Variants in ZC3H18 observed in about 807,000 individuals in gnomAD.
The protein encoded by ZC3H18 is zinc finger CCCH domain-containing protein 18.
Under a neutral mutation model 106.1 loss-of-function variants are expected in ZC3H18, and 8 were observed. The observed-to-expected ratio is 0.08, with a 90% confidence interval of 0.04 to 0.14. The LOEUF is 0.14. Among genes scored for constraint, ZC3H18 ranks in the 10% least tolerant of loss-of-function variants. ZC3H18 has a pLI of 1.00. For missense variants in ZC3H18, 1,318 were observed against 1,278.4 expected (o/e 1.03, Z -0.47); for synonymous variants, 635 against 522.1 (o/e 1.22, Z -2.95).
intron 6 of ZC3H18, among the ~76,000 whole-genome samples, chr16:88,604,718 G>A (rs1396217664): frequency 1.3e-5 from 2 of 152,120 alleles, no homozygotes; most frequent in Non-Finnish European, 2.9e-5. Flanking sequence ...TCTCTGCATA[G>A]GGCTCCTGGG....
chr16:88,612,906 T>A (rs1905353215), intron 8 of ZC3H18, among the ~76,000 whole-genome samples: 1 of 152,054 alleles, frequency 6.6e-6, no homozygotes, highest in Non-Finnish European at 1.5e-5. Flanking sequence ...GGGAGGCTAA[T>A]ACGGGAGGAT....
rs531288373 is a variant in ZC3H18 at position 88,624,605 on chromosome 16, G to C, written c.1902G>C (p.Glu634Asp). Residue 634 changes from glutamate to aspartate, a missense_variant, in exon 12 of 18, where the codon GAG (glutamate) becomes GAC (aspartate). Physicochemically the swap from Glu to Asp is conservative, Grantham distance 45. Transcript: ENST00000301011. ...EPAPPPGKAG[E>D]KSVKKPAPPP... The stretch of plus-strand genomic sequence containing the variant: ...CTCGAGCCTCCCTGTCTCACAGAGA[G>C]AAGTCAGTGAAGAAGCCGGCCCCGC... 6.2e-7 allele frequency: 1 copy of C among 1,611,530 alleles called. No homozygotes were observed. The highest frequency in any genetic ancestry group is 2.2e-5 in the East Asian group (1 of 44,688).
chr16:88,598,307 T>A lies in ZC3H18; in HGVS notation c.818T>A (p.Leu273Gln). The A allele has an allele frequency of 6.2e-7, 1 of 1,604,118 alleles. No individual in the cohort carries two copies. The highest frequency in any genetic ancestry group is 8.5e-7 in the Non-Finnish European group (1 of 1,177,190). Residue 273 changes from leucine (L) to glutamine (Q), a missense_variant, in exon 4 of 18, where the codon CTG becomes CAG. Leu to Gln is a moderately radical substitution (Grantham distance 113). Coordinates refer to ENST00000301011, the MANE Select transcript of ZC3H18 (RefSeq NM_144604.4). The part of the protein sequence containing the change: ...NGAPPLGPHP[L>Q]MPANPWGGPV... Reference sequence around the variant, plus strand: ...GCCCCGCCTCTCGGACCTCACCCGCTGATGCCCGCCAACCCTTGGGTGCGT... The same window carrying A: ...GCCCCGCCTCTCGGACCTCACCCGCAGATGCCCGCCAACCCTTGGGTGCGT...
At chr16:88,576,057 C>T (rs1423226475) in intron 1 of ZC3H18, among the ~76,000 whole-genome samples, 16 of 152,154 alleles carry the variant, frequency 1.1e-4, no homozygotes, top group Admixed American at 1.0e-3. Context: ...CCTGCCACCA[C>T]GTGCAGCTAA....
At chr16:88,619,639 C>T (rs547846127) in intron 8 of ZC3H18, among the ~76,000 whole-genome samples, 1 of 152,288 alleles carries the variant, frequency 6.6e-6, no homozygotes, top group East Asian at 1.9e-4. Context: ...CTGCACTGCC[C>T]GCCTCTCTGG....
intron 2 of ZC3H18, among the ~76,000 whole-genome samples, chr16:88,584,546 A>AT (rs944381730): frequency 2.0e-5 from 3 of 152,020 alleles, no homozygotes; most frequent in African/African-American, 7.3e-5. Flanking sequence ...TGTTTGTTTG[A>AT]TTTTTTAACT....
Position 88,624,065 on chromosome 16 carries a change from G to C in ZC3H18, c.1898+3G>C. On this transcript the variant is annotated splice_donor_region_variant and intron_variant, in intron 11 of 17. Coordinates refer to ENST00000301011, the MANE Select transcript of ZC3H18 (RefSeq NM_144604.4). ...GCCCCGCCGCCCGGGAAAGCAGGGT[G>C]AGTGCCCAGCCTGTGGGCAAGTCCT... The C allele has an allele frequency of 6.2e-7, 1 of 1,603,842 alleles. No homozygotes were observed. Among genetic ancestry groups the C allele is most frequent in the Non-Finnish European group, 8.5e-7 (1 of 1,175,066 alleles).
chr16:88,596,751 G>A (rs1207090598), intron 3 of ZC3H18, among the ~76,000 whole-genome samples: 1 of 152,220 alleles, frequency 6.6e-6, no homozygotes, highest in African/African-American at 2.4e-5. Flanking sequence ...TACTTGTTTA[G>A]TTACACACGT....
In ZC3H18 at chr16:88,627,415, T is replaced by A; in HGVS notation, c.2109-207T>A. On this transcript the variant is annotated intron_variant, in intron 13 of 17. Coordinates refer to ENST00000301011, the MANE Select transcript of ZC3H18 (RefSeq NM_144604.4). The surrounding 1 kb of genome is among the most constrained non-coding windows in gnomAD (Gnocchi z 4.5). ...GCCGTGCCTGGCTGCAACCTGACATTGATTAGTGAAATGGGGCCCTGGCCT... is the reference window on the plus strand; with the variant it reads ...GCCGTGCCTGGCTGCAACCTGACATAGATTAGTGAAATGGGGCCCTGGCCT... 1.8e-6 allele frequency: 1 copy of A among 552,178 alleles called. No individual in the cohort carries two copies. Among genetic ancestry groups the A allele is most frequent in the South Asian group, 3.0e-5 (1 of 33,332 alleles). 34.2% of individuals were successfully genotyped at this position (552,178 alleles called of 1,614,324 possible).
chr16:88,605,265 C>T lies in ZC3H18; in HGVS notation c.1089-3669C>T, dbSNP rs551909237. Among the ~76,000 whole-genome samples the T allele has an allele frequency of 5.9e-5, 9 of 152,378 alleles. 1 individual carries two copies. The East Asian group carries it at 1.5e-3, about 26-fold the overall frequency. On this transcript the variant is annotated intron_variant, in intron 6 of 17. Transcript: ENST00000301011. ...CCACATGGGTAAGCCCACAGTCCCA[C>T]AGACTCAGGGCAGATGGATGTATGG...
At chr16:88,582,269 G>A (rs1915183932) in intron 2 of ZC3H18, among the ~76,000 whole-genome samples, 1 of 112,044 alleles carries the variant, frequency 8.9e-6, no homozygotes, top group Non-Finnish European at 1.6e-5. Context: ...CTGTTGCCCA[G>A]GCCAGAGTGC....
chr16:88,586,306 C>T (rs1915426649), intron 2 of ZC3H18, among the ~76,000 whole-genome samples: 1 of 152,156 alleles, frequency 6.6e-6, no homozygotes, highest in African/African-American at 2.4e-5. Context: ...TTACTATTTC[C>T]TGCCCAGAGT....
At chr16:88,625,333 G>C in intron 13 of ZC3H18, 66 bp downstream of exon 13, 1 of 1,546,212 alleles carries the variant, frequency 6.5e-7, no homozygotes, top group Admixed American at 2.0e-5. Flanking sequence ...CCCAGAAGCA[G>C]CCAGTGTGGG....
intron 2 of ZC3H18, among the ~76,000 whole-genome samples, chr16:88,578,536 T>G (rs549177682): frequency 1.2e-3 from 126 of 107,316 alleles, no homozygotes; most frequent in Non-Finnish European, 2.1e-3. Context: ...GTTTTTGTTG[T>G]TTTTTTTTTG....
chr16:88,615,780 C>A (rs1020881842), intron 8 of ZC3H18, among the ~76,000 whole-genome samples: 2 of 152,216 alleles, frequency 1.3e-5, no homozygotes, highest in East Asian at 3.8e-4. Context: ...TGGCCACAGA[C>A]CCCCTTCCCC....
chr16:88,624,917 C>T (rs547070103), intron 12 of ZC3H18, among the ~76,000 whole-genome samples, 172 bp downstream of exon 12: 2 of 152,352 alleles, frequency 1.3e-5, no homozygotes, highest in South Asian at 2.1e-4. Flanking sequence ...CTGTCCCCTC[C>T]CTGAGCCTGT....
intron 1 of ZC3H18, among the ~76,000 whole-genome samples, chr16:88,575,886 TTTTG>T (rs774966728): frequency 1.4e-4 from 21 of 148,900 alleles, no homozygotes; most frequent in Middle Eastern, 3.4e-3. Flanking sequence ...GTGACTTAGT[TTTTG>T]TTTGTTTGTT....
chr16:88,624,313 C>T lies in ZC3H18; in HGVS notation c.1898+251C>T, dbSNP rs549355067. On this transcript the variant is annotated intron_variant, in intron 11 of 17. Coordinates refer to ENST00000301011, the MANE Select transcript of ZC3H18 (RefSeq NM_144604.4). Reference sequence around the variant, plus strand: ...ACAGCCCTGGGGACACGGCAGCAGCCGGGTGTTCTTAAGGGGTCTTCCTAT... The same window carrying T: ...ACAGCCCTGGGGACACGGCAGCAGCTGGGTGTTCTTAAGGGGTCTTCCTAT... The T allele has an allele frequency of 5.9e-5, 39 of 656,428 alleles. 1 individual carries two copies. Among genetic ancestry groups the T allele is most frequent in the South Asian group, 5.6e-4 (29 of 51,650 alleles). The allele number at this position is 656,428 out of a possible 1,614,324, so 40.7% of individuals were successfully genotyped here.
intron 12 of ZC3H18, 31 bp from the exon 13 acceptor site, chr16:88,625,171 C>T (rs551406310): frequency 2.6e-6 from 4 of 1,559,292 alleles, no homozygotes; most frequent in South Asian, 2.4e-5. Flanking sequence ...GAGGCCACGC[C>T]CCCTGAGCCC....
Sources: gnomAD v4.1 joint callset for allele counts (sites outside exome capture counted in the v4.1 genomes callset) on GRCh38, gnomAD v4.1.1 for gene constraint, Gnocchi (gnomAD v3.1) non-coding constraint, MANE v1.5 for transcripts, NCBI Gene and HGNC (gene_info 2026-07-23, HGNC 2026-07-21) for gene names.